The following NEBL variants were observed in gnomAD, a reference collection of about 807,000 sequenced individuals.
NEBL encodes LIM and SH3 protein 2.
A neutral mutation model predicts 140.2 loss-of-function variants in NEBL; 122 were observed. That is an observed-to-expected ratio of 0.87 (90% CI 0.75 to 1.01). The LOEUF (loss-of-function observed/expected upper bound fraction) is 1.01, where lower values mean the gene tolerates loss of function less well. Among genes scored for constraint, NEBL ranks in the 50% least tolerant of loss-of-function variants. NEBL has a pLI of 0.00. For synonymous variants in NEBL, 436 were observed against 398.9 expected, an observed-to-expected ratio of 1.09 and a Z score of -1.11; for missense variants, 1,365 against 1,231.3, an observed-to-expected ratio of 1.11 and a Z score of -1.62.
intron 4 of NEBL, among the ~76,000 whole-genome samples, chr10:20,914,863 T>C (rs1031923486): frequency 6.6e-6 from 1 of 152,138 alleles, no homozygotes; most frequent in Non-Finnish European, 1.5e-5. Context: ...GGGGTTGTTT[T>C]GTTTTGTTTT....
At chr10:21,068,130 A>T (rs1835652573) in intron 2 of NEBL, among the ~76,000 whole-genome samples, 1 of 152,188 alleles carries the variant, frequency 6.6e-6, no homozygotes, top group African/African-American at 2.4e-5. Context: ...CAGCTCCATG[A>T]TTCTACACTT....
chr10:20,892,584 C>T (rs1042802446), intron 2 of NEBL, among the ~76,000 whole-genome samples: 4 of 152,122 alleles, frequency 2.6e-5, no homozygotes, highest in Non-Finnish European at 5.9e-5. Flanking sequence ...CAACCCAACA[C>T]CAAAAGACAA....
chr10:20,858,388 ATAT>A, intron 8 of NEBL, 44 bp from the exon 9 acceptor site: 1 of 1,443,876 alleles, frequency 6.9e-7, no homozygotes, highest in Non-Finnish European at 9.7e-7. Flanking sequence ...GGAGAAGAAA[ATAT>A]TATGCTTTTG....
At chr10:21,126,834 G>C (rs1838858507) in intron 2 of NEBL, among the ~76,000 whole-genome samples, 1 of 151,784 alleles carries the variant, frequency 6.6e-6, no homozygotes, top group Admixed American at 6.6e-5. Flanking sequence ...AATTAGCCAG[G>C]TATGGTGGTG....
intron 3 of NEBL, 137 bp downstream of exon 3, chr10:20,889,708 G>T: frequency 1.5e-6 from 1 of 683,728 alleles, no homozygotes; most frequent in South Asian, 1.7e-5. Flanking sequence ...CATCACATTA[G>T]ATAATTATGT....
intron 3 of NEBL, among the ~76,000 whole-genome samples, chr10:21,230,386 T>G (rs1402941319): frequency 6.6e-6 from 1 of 152,166 alleles, no homozygotes; most frequent in Non-Finnish European, 1.5e-5. Context: ...AGAAAGTAAC[T>G]GCTCACTTAA....
At position 21,261,860 on chromosome 10, in the gene NEBL, G is replaced by A. The variant is rs180834078; in HGVS notation, n.183-10032C>T. Among the ~76,000 whole-genome samples, 16 of 152,154 alleles carry A rather than the reference G, an allele frequency of 1.1e-4. No individual in the cohort carries two copies. The East Asian group carries it at 2.1e-3, about 20-fold the overall frequency. Reference sequence around the variant, plus strand: ...CTCACATGCACCAAAACAGCCCTGCGTGTCCTGCTGAGACGTGCACACTCC... The same window carrying A: ...CTCACATGCACCAAAACAGCCCTGCATGTCCTGCTGAGACGTGCACACTCC... On this transcript the variant is annotated intron_variant and non_coding_transcript_variant, in intron 1 of 8. Coordinates refer to the NEBL transcript ENST00000675702.
At chr10:21,190,168 A>G (rs1029301916) in intron 3 of NEBL, among the ~76,000 whole-genome samples, 2 of 152,204 alleles carry the variant, frequency 1.3e-5, no homozygotes, top group African/African-American at 4.8e-5. Context: ...TTATTAATTG[A>G]CTGAAAAGAC....
chr10:21,276,396 C>G (rs141054742), intron 1 of NEBL, among the ~76,000 whole-genome samples: 1 of 152,326 alleles, frequency 6.6e-6, no homozygotes, highest in Non-Finnish European at 1.5e-5. Flanking sequence ...CCCACCAACC[C>G]CTAGTGTAGC....
In NEBL at chr10:20,781,602, G is replaced by C. The variant is rs540464765; in HGVS notation, c.*4145C>G. The C allele has an allele frequency of 6.6e-6, 1 of 152,296 alleles. No homozygotes were observed. Among genetic ancestry groups the C allele is most frequent in the African/African-American group, 2.4e-5 (1 of 41,562 alleles). The allele number at this position is 152,296 out of a possible 1,614,324, so 9.4% of individuals were successfully genotyped here. A position where few individuals can be genotyped will look rare whatever the true frequency, so the allele number is the denominator to read the frequency against. Reference sequence around the variant, plus strand: ...TGTATCAAGCACAAAAAATCCTATGGCATTCCCAGGAATATACTGAAGTCA... The same window carrying C: ...TGTATCAAGCACAAAAAATCCTATGCCATTCCCAGGAATATACTGAAGTCA... On this transcript the variant is annotated 3_prime_UTR_variant, in exon 28 of 28. Transcript: ENST00000377122.
At chr10:21,289,891 T>G (rs1382310346) in intron 1 of NEBL, among the ~76,000 whole-genome samples, 1 of 152,254 alleles carries the variant, frequency 6.6e-6, no homozygotes, top group Non-Finnish European at 1.5e-5. Context: ...CTGTGGCTGC[T>G]TCTGTAGCAC....
chr10:21,170,283 C>A (rs2132179933), intron 2 of NEBL: 1 of 152,244 alleles, frequency 6.6e-6, no homozygotes, highest in South Asian at 2.1e-4. Flanking sequence ...TCAGGCCTAC[C>A]AGGGCCACCC....
intron 2 of NEBL, among the ~76,000 whole-genome samples, chr10:21,061,264 A>T (rs1310127052): frequency 2.8e-5 from 4 of 144,702 alleles, no homozygotes; most frequent in African/African-American, 1.0e-4. Flanking sequence ...TGTGATATGT[A>T]ACATATTACA....
intron 3 of NEBL, among the ~76,000 whole-genome samples, chr10:21,005,041 T>C (rs1204342885): frequency 1.3e-5 from 2 of 152,136 alleles, no homozygotes; most frequent in African/African-American, 4.8e-5. Flanking sequence ...AATTCTTAGG[T>C]TCTTACTGGC....
intron 3 of NEBL, among the ~76,000 whole-genome samples, chr10:21,234,544 A>G (rs900555363): frequency 1.8e-4 from 27 of 152,116 alleles, no homozygotes; most frequent in African/African-American, 5.8e-4. Context: ...ACCTCTTTTC[A>G]TTATAAATTA....
chr10:20,986,169 A>C (rs920576854), intron 3 of NEBL, among the ~76,000 whole-genome samples: 8 of 152,198 alleles, frequency 5.3e-5, no homozygotes, highest in Admixed American at 5.2e-4. Flanking sequence ...AGTTGTGTAT[A>C]GGTGCTTTTT....
At chr10:20,968,561 G>A (rs1156536596) in intron 3 of NEBL, among the ~76,000 whole-genome samples, 1 of 152,112 alleles carries the variant, frequency 6.6e-6, no homozygotes, top group South Asian at 2.1e-4. Flanking sequence ...AATCATAGAA[G>A]TTCAAGGGGA....
chr10:20,799,603 G>A (rs1836901470), intron 26 of NEBL, among the ~76,000 whole-genome samples: 2 of 152,152 alleles, frequency 1.3e-5, no homozygotes, highest in Admixed American at 1.3e-4. Flanking sequence ...CTCAAATATA[G>A]TTGGGAAGTA....
At position 20,997,471 on chromosome 10, in the gene NEBL, T is replaced by TA. The variant is rs55712388; in HGVS notation, c.249+22645dup. ...ACACCAAATAAACGCACAGTCTCAG[T>TA]AAAAAAAAAAAAAAAAAAAAAAAAA... On this transcript the variant is annotated intron_variant, in intron 3 of 6. Transcript: ENST00000417816. Among the ~76,000 whole-genome samples, 30 of 25,172 alleles carry TA rather than the reference T, an allele frequency of 1.2e-3. 4 individuals are homozygous for TA. The highest frequency in any genetic ancestry group is 2.1e-3 in the Non-Finnish European group (19 of 8,982). The allele number at this position is 25,172 out of a possible 152,430, so 16.5% of individuals were successfully genotyped here.
Sources: allele counts gnomAD v4.1 joint callset (sites outside exome capture counted in the v4.1 genomes callset), GRCh38; gene constraint gnomAD v4.1.1; transcripts MANE v1.5; gene names NCBI Gene and HGNC (gene_info 2026-07-23, HGNC 2026-07-21).